The following PIWIL4 variants were observed in gnomAD, a reference collection of about 807,000 sequenced individuals.
PIWIL4 encodes piwi like RNA-mediated gene silencing 4, also known as piwi-like protein 4.
PIWIL4 carries 50 observed loss-of-function variants against 100.9 expected under a neutral mutation model. The ratio of observed to expected loss-of-function variants is 0.50; its 90% CI spans 0.39 to 0.63. The LOEUF is 0.63. Among genes scored for constraint, PIWIL4 ranks in the 20% least tolerant of loss-of-function variants. The pLI, the probability that PIWIL4 is intolerant of heterozygous loss-of-function variation, is 0.00. For synonymous variants in PIWIL4, 342 were observed against 367.5 expected (o/e 0.93, Z 0.79); for missense variants, 887 against 1,043.3 (o/e 0.85, Z 2.06).
intron 7 of PIWIL4, among the ~76,000 whole-genome samples, chr11:94,588,429 G>T (rs115558274): frequency 6.6e-6 from 1 of 152,078 alleles, no homozygotes; most frequent in Non-Finnish European, 1.5e-5. Context: ...CACACTACTC[G>T]GTATGAGAAG....
Position 94,593,570 on chromosome 11 carries a change from TAAA to T in PIWIL4, c.1080_1082del (p.Lys363del), listed in dbSNP as rs757435710. The T allele has an allele frequency of 2.1e-5, 34 of 1,613,984 alleles. No individual in the cohort carries two copies. The South Asian group carries it at 3.6e-4, about 17-fold the overall frequency. On this transcript the variant is annotated inframe_deletion, in exon 9 of 20. Transcript: ENST00000299001. The stretch of plus-strand genomic sequence containing the variant: ...AATCAGCCCATGCTTGTTAGTCTGT[TAAA>T]GAAGAAGAGAAATGACAACAGTGAG...
At chr11:94,602,121 G>A in intron 12 of PIWIL4, 142 bp downstream of exon 12, 1 of 704,822 alleles carries the variant, frequency 1.4e-6, no homozygotes. Context: ...TAAGTAGATA[G>A]ATTTTGTAAT....
At chr11:94,586,503 T>G (rs959913856) in intron 6 of PIWIL4, among the ~76,000 whole-genome samples, 1 of 152,236 alleles carries the variant, frequency 6.6e-6, no homozygotes, top group Non-Finnish European at 1.5e-5. Flanking sequence ...CACTTTTGTA[T>G]TTTTTAATCT....
At chr11:94,577,576 C>A in intron 4 of PIWIL4, 84 bp downstream of exon 4, 3 of 1,021,286 alleles carry the variant, frequency 2.9e-6, no homozygotes, top group Non-Finnish European at 4.1e-6. Flanking sequence ...TATGCATATG[C>A]AAGGAGATTC....
intron 2 of PIWIL4, 95 bp downstream of exon 2, chr11:94,568,903 C>T (rs376494158): frequency 2.8e-6 from 3 of 1,063,848 alleles, no homozygotes; most frequent in Non-Finnish European, 2.8e-6. Context: ...CCACCTCTTG[C>T]ACATCCTGAT....
chr11:94,578,498 C>T (rs1201266116), intron 4 of PIWIL4, among the ~76,000 whole-genome samples: 5 of 152,144 alleles, frequency 3.3e-5, no homozygotes. Context: ...TATAGATGGT[C>T]TGCAGCAGGC....
At chr11:94,570,626 C>T (rs1286363860) in intron 2 of PIWIL4, among the ~76,000 whole-genome samples, 1 of 152,146 alleles carries the variant, frequency 6.6e-6, no homozygotes, top group Admixed American at 6.5e-5. Context: ...CGTGATGGCT[C>T]ATGCCTGTAA....
At chr11:94,569,998 T>C (rs1948128550) in intron 2 of PIWIL4, among the ~76,000 whole-genome samples, 2 of 152,158 alleles carry the variant, frequency 1.3e-5, no homozygotes. Context: ...GAACGGCATA[T>C]AAATGCCAAT....
rs561748555 is a variant in PIWIL4, at chr11:94,586,925, C to A, written c.717-125C>A. 13 of 983,102 alleles carry A rather than the reference C, an allele frequency of 1.3e-5. No homozygotes were observed. The South Asian group carries it at 2.1e-4, about 16-fold the overall frequency. The allele number at this position is 983,102 out of a possible 1,614,324, so 60.9% of individuals were successfully genotyped here. On this transcript the variant is annotated intron_variant, in intron 6 of 19. Coordinates refer to ENST00000299001, the MANE Select transcript of PIWIL4 (RefSeq NM_152431.3). ...CAGTCAACAACTGGAAGAAATCAGA[C>A]TAAAGAAAAAAATTATCTTGTTAAG...
chr11:94,580,845 G>T (rs1478386227), intron 4 of PIWIL4, among the ~76,000 whole-genome samples: 1 of 144,016 alleles, frequency 6.9e-6, no homozygotes, highest in African/African-American at 2.6e-5. Flanking sequence ...GCTACTACCA[G>T]TTACACCTAT....
intron 9 of PIWIL4, among the ~76,000 whole-genome samples, chr11:94,594,047 C>T (rs16920658): frequency 0.033 from 5,000 of 152,146 alleles, 279 homozygotes; most frequent in African/African-American, 0.11. Flanking sequence ...ATAACTGCCT[C>T]GAGTACTTTT....
intron 16 of PIWIL4, among the ~76,000 whole-genome samples, chr11:94,616,813 G>C (rs1948853059): frequency 6.6e-6 from 1 of 152,160 alleles, no homozygotes; most frequent in African/African-American, 2.4e-5. Flanking sequence ...TGTGGCTGCT[G>C]GTTTCCCTGA....
At chr11:94,597,406 C>T (rs1948571380) in intron 10 of PIWIL4, among the ~76,000 whole-genome samples, 1 of 152,220 alleles carries the variant, frequency 6.6e-6, no homozygotes, top group Non-Finnish European at 1.5e-5. Flanking sequence ...CTGTGGTGAG[C>T]ACTTTCTGTG....
rs1172644536 is a variant in PIWIL4, at chr11:94,595,195, G to T, written c.1151-114G>T. Reference sequence around the variant, plus strand: ...GACATACGTGGTTTTCATTTCTATTGGATGTGCTATACAGATGGTGAATGC... The same window carrying T: ...GACATACGTGGTTTTCATTTCTATTTGATGTGCTATACAGATGGTGAATGC... On this transcript the variant is annotated intron_variant, in intron 9 of 19. Coordinates refer to ENST00000299001, the MANE Select transcript of PIWIL4 (RefSeq NM_152431.3). 4.1e-6 allele frequency: 3 copies of T among 732,444 alleles called. No individual in the cohort carries two copies. The South Asian group carries it at 6.7e-5, about 16-fold the overall frequency. 45.4% of individuals were successfully genotyped at this position (732,444 alleles called of 1,614,324 possible).
intron 4 of PIWIL4, among the ~76,000 whole-genome samples, chr11:94,582,455 C>T (rs1341118361): frequency 6.6e-6 from 1 of 152,190 alleles, no homozygotes; most frequent in Non-Finnish European, 1.5e-5. Flanking sequence ...TCCTGCCTTA[C>T]ATTCTTGATG....
chr11:94,576,747 C>T (rs1232333546), intron 3 of PIWIL4, among the ~76,000 whole-genome samples: 1 of 152,164 alleles, frequency 6.6e-6, no homozygotes, highest in East Asian at 1.9e-4. Flanking sequence ...CGCAGCCTTC[C>T]CCTTAATCTC....
At chr11:94,590,365 C>T (rs116447724) in intron 8 of PIWIL4, among the ~76,000 whole-genome samples, 20 of 152,132 alleles carry the variant, frequency 1.3e-4, no homozygotes, top group African/African-American at 2.4e-4. Context: ...CACATCCCTG[C>T]GGTTCTCTGC....
Position 94,577,409 on chromosome 11 carries a change from C to T in PIWIL4, c.430C>T (p.Leu144Phe). The change falls in exon 4 of 20, where the codon CTT (leucine) becomes TTT (phenylalanine). Residue 144 changes from leucine to phenylalanine, a missense_variant. By Grantham distance (22) the Leu-to-Phe change is conservative. Transcript: ENST00000299001. ...ATCTAGAAGGCTGAGAATTGCTTTACTTTATAGTCATAGTGAACTTTCCAA... is the reference window on the plus strand; with the variant it reads ...ATCTAGAAGGCTGAGAATTGCTTTATTTTATAGTCATAGTGAACTTTCCAA... ...LASRRLRIAL[L>F]YSHSELSNKA... The T allele has an allele frequency of 6.2e-7, 1 of 1,614,122 alleles. No individual in the cohort carries two copies. Among genetic ancestry groups the T allele is most frequent in the Non-Finnish European group, 8.5e-7 (1 of 1,179,994 alleles).
Position 94,621,238 on chromosome 11 carries a change from T to C in PIWIL4, c.*246T>C, listed in dbSNP as rs1948901501. The C allele has an allele frequency of 4.7e-6, 2 of 422,656 alleles. No homozygotes were observed. Among genetic ancestry groups the C allele is most frequent in the Admixed American group, 7.8e-5 (2 of 25,510 alleles). The allele number at this position is 422,656 out of a possible 1,614,324, so 26.2% of individuals were successfully genotyped here. ...TATGTGGAATTTAAATATACCATCA[T>C]CTACAAAGAATTCCACAGAGTTAAA... is the stretch of plus-strand genomic sequence containing the variant. On this transcript the variant is annotated 3_prime_UTR_variant, in exon 20 of 20. Transcript: ENST00000299001.
Sources: allele counts gnomAD v4.1 joint callset (sites outside exome capture counted in the v4.1 genomes callset), GRCh38; gene constraint gnomAD v4.1.1; transcripts MANE v1.5; gene names NCBI Gene and HGNC (gene_info 2026-07-23, HGNC 2026-07-21).